Variants in PCM1 observed in about 807,000 individuals in gnomAD.
PCM1 encodes the protein pericentriolar material 1, also known as pericentriolar material 1 protein.
In PCM1, 157 loss-of-function variants were observed where a neutral mutation model predicts 241.9. That is an observed-to-expected ratio of 0.65 (90% CI 0.57 to 0.74). The LOEUF (loss-of-function observed/expected upper bound fraction) is 0.74, where lower values mean the gene tolerates loss of function less well. PCM1 is among the 30% of genes least tolerant of loss of function. The pLI is 0.00. For missense variants in PCM1, 3,478 were observed against 2,360.1 expected (o/e 1.47, Z -9.81); for synonymous variants, 1,085 against 784.9 (o/e 1.38, Z -6.39).
At chr8:17,959,716 C>CTTGATTTCTCCACACGTTT (rs2070730304) in intron 13 of PCM1, among the ~76,000 whole-genome samples, 1 of 151,290 alleles carries the variant, frequency 6.6e-6, no homozygotes, top group Non-Finnish European at 1.5e-5. Context: ...TTCTCCACAC[C>CTTGATTTCTCCACACGTTT]CTTGATTGTG....
intron 13 of PCM1, among the ~76,000 whole-genome samples, chr8:17,959,800 A>G (rs1314729740): frequency 6.6e-6 from 1 of 152,198 alleles, no homozygotes; most frequent in Non-Finnish European, 1.5e-5. Flanking sequence ...CCCAATTATA[A>G]GAAGAGTTAT....
chr8:17,983,878 A>AG (rs1203557548), intron 24 of PCM1, among the ~76,000 whole-genome samples: 1 of 152,162 alleles, frequency 6.6e-6, no homozygotes, highest in African/African-American at 2.4e-5. Flanking sequence ...TGGAACCTTT[A>AG]GGGGAATCTA....
At chr8:17,943,693 T>C (rs1004612148) in intron 6 of PCM1, among the ~76,000 whole-genome samples, 1 of 152,194 alleles carries the variant, frequency 6.6e-6, no homozygotes, top group African/African-American at 2.4e-5. Context: ...CTGTTAGTAT[T>C]CTATTTGTAA....
At chr8:17,960,962 G>T (rs941553260) in intron 15 of PCM1, among the ~76,000 whole-genome samples, 3 of 152,080 alleles carry the variant, frequency 2.0e-5, no homozygotes, top group African/African-American at 7.2e-5. Flanking sequence ...CATTCTTACT[G>T]GGCTGGCTGG....
chr8:17,942,175 T>C (rs1439678961), intron 6 of PCM1, among the ~76,000 whole-genome samples: 2 of 152,218 alleles, frequency 1.3e-5, no homozygotes, highest in African/African-American at 4.8e-5. Context: ...GTTTCTGATA[T>C]TTGTGTTTAT....
intron 10 of PCM1, chr8:17,955,950 G>T (rs2068187407): frequency 1.5e-5 from 6 of 388,870 alleles, no homozygotes; most frequent in South Asian, 1.4e-4. Context: ...AGACCAGGCT[G>T]TAGAATCAGA....
chr8:17,964,689 A>C lies in PCM1; in HGVS notation c.2776A>C (p.Ser926Arg). 1 of 1,613,968 alleles carries C rather than the reference A, an allele frequency of 6.2e-7. No individual in the cohort carries two copies. Among genetic ancestry groups the C allele is most frequent in the Non-Finnish European group, 8.5e-7 (1 of 1,179,802 alleles). ...AGAGGAGGAAGAAGAGCAAGATGCC[A>C]GTTCCAATGATAACTTTTCTGTGTG... ...DEEEEEEQDA[S>R]SNDNFSVCPS... The change falls in exon 18 of 39, where the codon AGT becomes CGT. Residue 926 changes from serine to arginine, a missense_variant. Ser to Arg is a moderately radical substitution (Grantham distance 110). Transcript: ENST00000325083.
At chr8:17,957,840 G>A in intron 13 of PCM1, 65 bp downstream of exon 13, 2 of 1,087,688 alleles carry the variant, frequency 1.8e-6, no homozygotes, top group Non-Finnish European at 2.7e-6. Context: ...TAAAATTTGT[G>A]TATGATAATT....
chr8:17,959,377 A>G (rs1441965640), intron 13 of PCM1, among the ~76,000 whole-genome samples: 3 of 152,058 alleles, frequency 2.0e-5, no homozygotes. Flanking sequence ...AGTTTTCAGT[A>G]TATCGATGGA....
chr8:18,001,995 C>CTTTTTTTTTTT (rs1166401113), intron 29 of PCM1, among the ~76,000 whole-genome samples: 5 of 23,404 alleles, frequency 2.1e-4, no homozygotes, highest in East Asian at 1.0e-3. Flanking sequence ...TCTAACCTTT[C>CTTTTTTTTTTT]TTTTTTTTTT....
chr8:18,023,410 C>T (rs1036840488), intron 36 of PCM1, among the ~76,000 whole-genome samples: 1 of 152,020 alleles, frequency 6.6e-6, no homozygotes, highest in African/African-American at 2.4e-5. Flanking sequence ...GGAAAAATGG[C>T]TTATGGATAT....
At chr8:17,994,280 T>A (rs916938343) in intron 29 of PCM1, among the ~76,000 whole-genome samples, 2 of 152,206 alleles carry the variant, frequency 1.3e-5, no homozygotes, top group African/African-American at 4.8e-5. Flanking sequence ...TGAGAACATA[T>A]GAAGTTTGTC....
At chr8:17,979,696 T>C (rs964252853) in intron 23 of PCM1, among the ~76,000 whole-genome samples, 1 of 152,168 alleles carries the variant, frequency 6.6e-6, no homozygotes, top group Non-Finnish European at 1.5e-5. Flanking sequence ...AAGATGGAAA[T>C]GCATAAGATT....
In PCM1 at chr8:17,980,751, T is replaced by G. The variant is rs2080433401; in HGVS notation, c.4104T>G (p.Ser1368=). The change falls in exon 24 of 39, where the codon TCT becomes TCG. Residue 1368 remains serine, a synonymous_variant. Transcript: ENST00000325083. ...AATGTAATAGGTCTACAGAAATATCTTCAGGTATGTTCTTTTTTGGTTTGC... is the reference window on the plus strand; with the variant it reads ...AATGTAATAGGTCTACAGAAATATCGTCAGGTATGTTCTTTTTTGGTTTGC... The part of the protein sequence containing the change: ...IIKCNRSTEI[S]SETGSDFSMF... 1.2e-6 allele frequency: 2 copies of G among 1,600,924 alleles called. No homozygotes were observed. The highest frequency in any genetic ancestry group is 1.3e-5 in the African/African-American group (1 of 74,546).
intron 2 of PCM1, chr8:17,927,638 C>T (rs140800388): frequency 0.02 from 3,062 of 152,150 alleles, 49 homozygotes; most frequent in Non-Finnish European, 0.032. Flanking sequence ...GCAACCTCTG[C>T]CTCCCAGGTT....
At chr8:17,993,676 T>C (rs2085582722) in intron 29 of PCM1, 57 bp downstream of exon 29, 1 of 1,415,820 alleles carries the variant, frequency 7.1e-7, no homozygotes, top group South Asian at 1.3e-5. Context: ...TTTTAATTCA[T>C]ACAGAAGACC....
chr8:18,012,948 C>T (rs1016296840), intron 34 of PCM1, among the ~76,000 whole-genome samples: 1 of 152,054 alleles, frequency 6.6e-6, no homozygotes, highest in East Asian at 1.9e-4. Context: ...GAAGCATTAC[C>T]TTCCGTTTTC....
intron 36 of PCM1, among the ~76,000 whole-genome samples, chr8:18,023,349 A>AT (rs1290737045): frequency 6.6e-6 from 1 of 152,130 alleles, no homozygotes; most frequent in African/African-American, 2.4e-5. Flanking sequence ...GGGGTTCTAG[A>AT]TTTTGTTCTT....
intron 2 of PCM1, among the ~76,000 whole-genome samples, chr8:17,933,318 T>C (rs2059559021): frequency 2.0e-5 from 3 of 152,206 alleles, no homozygotes; most frequent in Non-Finnish European, 1.5e-5. Context: ...GTTGAAACCA[T>C]ATAGACAGCT....
Sources: gnomAD v4.1 joint callset for allele counts (sites outside exome capture counted in the v4.1 genomes callset) on GRCh38, gnomAD v4.1.1 for gene constraint, MANE v1.5 for transcripts, NCBI Gene and HGNC (gene_info 2026-07-23, HGNC 2026-07-21) for gene names.